NCOA6: variants seen among roughly 807,000 people sequenced by gnomAD.
The protein encoded by NCOA6 is NRC RAP250.
In NCOA6, 49 loss-of-function variants were observed where a neutral mutation model predicts 171.4. The observed-to-expected ratio is 0.29, with a 90% CI of 0.23 to 0.36. NCOA6 has a LOEUF of 0.36. Among genes scored for constraint, NCOA6 ranks in the 10% least tolerant of loss-of-function variants. The pLI, the probability that NCOA6 is intolerant of heterozygous loss-of-function variation, is 1.00. For synonymous variants in NCOA6, 910 were observed against 927.5 expected (o/e 0.98, Z 0.34); for missense variants, 2,248 against 2,554.5 (o/e 0.88, Z 2.59).
At chr20:34,767,475 T>C (rs192887429) in intron 5 of NCOA6, among the ~76,000 whole-genome samples, 1 of 152,188 alleles carries the variant, frequency 6.6e-6, no homozygotes, top group East Asian at 1.9e-4. Context: ...TTTGTATTTT[T>C]AGTAGAGATG....
At chr20:34,787,284 G>C (rs1027386624) in intron 2 of NCOA6, among the ~76,000 whole-genome samples, 5 of 152,022 alleles carry the variant, frequency 3.3e-5, no homozygotes, top group Non-Finnish European at 7.4e-5. Context: ...AGCACTTTGG[G>C]AGGCTGAGGT....
chr20:34,716,215 C>CAA (rs34030662), intron 14 of NCOA6, among the ~76,000 whole-genome samples: 4,820 of 73,056 alleles, frequency 0.066, 571 homozygotes, highest in African/African-American at 0.24. Context: ...GACTCCGTCT[C>CAA]AAAAAAAAAA....
At chr20:34,825,259 G>T (rs553484194) in intron 1 of NCOA6, among the ~76,000 whole-genome samples, 234 of 149,132 alleles carry the variant, frequency 1.6e-3, no homozygotes, top group Non-Finnish European at 1.9e-3. Context: ...CCGCAGGCCT[G>T]GGGCCCGCTC....
chr20:34,719,628 C>CA (rs1260319102), intron 14 of NCOA6, among the ~76,000 whole-genome samples: 36 of 95,438 alleles, frequency 3.8e-4, no homozygotes, highest in Middle Eastern at 7.4e-3. Flanking sequence ...GAGACTGTCT[C>CA]AAAAAAAAAA....
intron 1 of NCOA6, among the ~76,000 whole-genome samples, chr20:34,792,929 CA>C (rs1471204506): frequency 6.6e-6 from 1 of 151,894 alleles, no homozygotes; most frequent in Non-Finnish European, 1.5e-5. Context: ...AGGCGCATGC[CA>C]CCACATCTGG....
rs1361022110 is a variant in NCOA6 at position 34,742,331 on chromosome 20, C to T, written c.3925G>A (p.Val1309Ile). The T allele has an allele frequency of 6.2e-7, 1 of 1,614,172 alleles. No homozygotes were observed. The highest frequency in any genetic ancestry group is 1.1e-5 in the South Asian group (1 of 91,090). Reference protein sequence around the residue: ...TPQTHKLDSVVVNSGKQSNSG... With the variant: ...TPQTHKLDSVIVNSGKQSNSG... ...TTAGACTGCTTTCCAGAATTCACTA[C>T]CACAGAATCTAATTTGTGAGTTTGT... The change falls in exon 11 of 15, where the codon GTA (valine) becomes ATA (isoleucine). Residue 1309 changes from valine to isoleucine, a missense_variant. Val to Ile is a conservative substitution (Grantham distance 29). Transcript: ENST00000359003.
At chr20:34,717,761 G>C (rs1988783946) in intron 14 of NCOA6, among the ~76,000 whole-genome samples, 1 of 152,124 alleles carries the variant, frequency 6.6e-6, no homozygotes, top group East Asian at 1.9e-4. Context: ...CAAATCTCAA[G>C]CGTTATTTTC....
intron 1 of NCOA6, among the ~76,000 whole-genome samples, chr20:34,817,196 ACAGATTC>A (rs1568902290): frequency 0.016 from 2,113 of 132,880 alleles, 524 homozygotes; most frequent in Middle Eastern, 0.037. Flanking sequence ...CTGATATTCA[ACAGATTC>A]AATATCAGTA....
chr20:34,781,267 T>G (rs2077510718), intron 3 of NCOA6, among the ~76,000 whole-genome samples: 1 of 152,196 alleles, frequency 6.6e-6, no homozygotes. Context: ...GCTAATTAGC[T>G]CTTGATCAAT....
chr20:34,715,425 G>T (rs1417437853), intron 14 of NCOA6, 60 bp from the exon 15 acceptor site: 5 of 1,286,988 alleles, frequency 3.9e-6, no homozygotes, highest in Non-Finnish European at 5.7e-6. Context: ...GTGCCCTTTA[G>T]ACAGTCCACA....
chr20:34,801,113 G>C (rs980340244), intron 1 of NCOA6, among the ~76,000 whole-genome samples: 9 of 152,210 alleles, frequency 5.9e-5, no homozygotes, highest in Admixed American at 4.6e-4. Flanking sequence ...TGACCAGTGG[G>C]TCCATGAGGA....
At chr20:34,793,391 T>C (rs913893759) in intron 1 of NCOA6, among the ~76,000 whole-genome samples, 1 of 152,198 alleles carries the variant, frequency 6.6e-6, no homozygotes. Flanking sequence ...TCCTATTTTA[T>C]CCATAATATC....
intron 5 of NCOA6, among the ~76,000 whole-genome samples, chr20:34,760,242 T>C (rs560387235): frequency 3.8e-4 from 58 of 152,204 alleles, no homozygotes; most frequent in Non-Finnish European, 4.4e-4. Flanking sequence ...ATGCCACTGC[T>C]CTCCAGCCTA....
intron 11 of NCOA6, among the ~76,000 whole-genome samples, chr20:34,738,225 A>C (rs1374515460): frequency 6.6e-6 from 1 of 152,158 alleles, no homozygotes; most frequent in Non-Finnish European, 1.5e-5. Context: ...TTTCAAAGTA[A>C]AAGCACAGAA....
chr20:34,752,082 T>G (rs1409000339), intron 8 of NCOA6, among the ~76,000 whole-genome samples: 1 of 152,174 alleles, frequency 6.6e-6, no homozygotes, highest in Non-Finnish European at 1.5e-5. Flanking sequence ...GGTCTCGAAC[T>G]GCTGACCTCA....
At chr20:34,752,862 C>T (rs1239079200) in intron 8 of NCOA6, among the ~76,000 whole-genome samples, 1 of 148,716 alleles carries the variant, frequency 6.7e-6, no homozygotes. Flanking sequence ...CGCAGTGAGC[C>T]GAGACTGCGC....
At chr20:34,716,202 C>T (rs1157112538) in intron 14 of NCOA6, among the ~76,000 whole-genome samples, 1 of 124,210 alleles carries the variant, frequency 8.1e-6, no homozygotes, top group Non-Finnish European at 1.6e-5. Flanking sequence ...CTGGAGACAG[C>T]GAGACTCCGT....
intron 1 of NCOA6, among the ~76,000 whole-genome samples, chr20:34,797,877 G>A (rs1011014018): frequency 1.3e-5 from 2 of 152,108 alleles, no homozygotes; most frequent in African/African-American, 2.4e-5. Context: ...CTGGGAGACA[G>A]AGCTTCCAGC....
intron 4 of NCOA6, among the ~76,000 whole-genome samples, chr20:34,775,237 T>C (rs2077272494): frequency 6.6e-6 from 1 of 152,158 alleles, no homozygotes; most frequent in Non-Finnish European, 1.5e-5. Flanking sequence ...GAGTTTGGTC[T>C]TCATTCTTTG....
Sources: allele counts gnomAD v4.1 joint callset (sites outside exome capture counted in the v4.1 genomes callset), GRCh38; gene constraint gnomAD v4.1.1; transcripts MANE v1.5; gene names NCBI Gene and HGNC (gene_info 2026-07-23, HGNC 2026-07-21).